The following SLC15A4 variants were observed in gnomAD, a reference collection of about 807,000 sequenced individuals.
SLC15A4 encodes the protein solute carrier family 15 member 4.
In SLC15A4, 26 loss-of-function variants were observed where a neutral mutation model predicts 46.1. The observed-to-expected ratio is 0.56, with a 90% CI of 0.41 to 0.78. The LOEUF is 0.78. Ranked by LOEUF, SLC15A4 falls within the 30% of genes least tolerant of loss-of-function variation. The pLI is 0.00. For missense variants in SLC15A4, 751 were observed against 755.7 expected (o/e 0.99, Z 0.07); for synonymous variants, 370 against 333.4 (o/e 1.11, Z -1.20).
chr12:128,807,902 T>C (rs959926199), intron 5 of SLC15A4, among the ~76,000 whole-genome samples: 2 of 152,238 alleles, frequency 1.3e-5, no homozygotes, highest in African/African-American at 4.8e-5. Context: ...AAGTACTATA[T>C]CAATACATTC....
At chr12:128,795,356 G>A (rs748476949) in intron 7 of SLC15A4, among the ~76,000 whole-genome samples, 11 of 152,070 alleles carry the variant, frequency 7.2e-5, no homozygotes, top group Non-Finnish European at 1.5e-4. Context: ...ATACCCAACC[G>A]AGTCCCGGGC....
At chr12:128,818,241 G>A (rs910207720) in intron 1 of SLC15A4, among the ~76,000 whole-genome samples, 26 of 151,736 alleles carry the variant, frequency 1.7e-4, no homozygotes, top group Admixed American at 5.2e-4. Flanking sequence ...ACGAACATAC[G>A]TCTCCCTTGG....
Position 128,799,140 on chromosome 12 carries a change from C to G in SLC15A4, c.1573+119G>C, listed in dbSNP as rs575115700. ...GCAGTGCTGTGGAAGGAGCGGTGGA[C>G]AGGCAGCTCGGGACAGGCCATCCAC... is the stretch of plus-strand genomic sequence containing the variant. On this transcript the variant is annotated intron_variant, in intron 7 of 7. Transcript: ENST00000266771. 104 of 1,049,486 alleles carry G rather than the reference C, an allele frequency of 9.9e-5. No homozygotes were observed. The African/African-American group carries it at 1.5e-3, about 15-fold the overall frequency. 65.0% of individuals were successfully genotyped at this position (1,049,486 alleles called of 1,614,324 possible). A position where few individuals can be genotyped will look rare whatever the true frequency, so the allele number is the denominator to read the frequency against.
At chr12:128,823,070 T>C (rs2135727925) in intron 1 of SLC15A4, among the ~76,000 whole-genome samples, 1 of 152,032 alleles carries the variant, frequency 6.6e-6, no homozygotes, top group South Asian at 2.1e-4. Flanking sequence ...AGTCCTGGGC[T>C]CAAGAGATCC....
chr12:128,822,570 G>C (rs1162131193), intron 1 of SLC15A4, among the ~76,000 whole-genome samples: 2 of 152,132 alleles, frequency 1.3e-5, no homozygotes, highest in African/African-American at 2.4e-5. Context: ...TTTATTTGGA[G>C]ACAGAGTCTC....
chr12:128,809,834 G>A, intron 3 of SLC15A4, 109 bp downstream of exon 3: 2 of 1,142,184 alleles, frequency 1.8e-6, no homozygotes, highest in Non-Finnish European at 2.4e-6. Context: ...GTAGACTCAT[G>A]GGAAAAAAAA....
chr12:128,823,701 G>A lies in SLC15A4; in HGVS notation c.243C>T (p.Phe81=), dbSNP rs1955888967. Reference sequence around the variant, plus strand: ...GCGAGCCCAGGTAGGTGAGGCCCATGAAGAGCAGCAGCGCCTCGCTGGCCT... The same window carrying A: ...GCGAGCCCAGGTAGGTGAGGCCCATAAAGAGCAGCAGCGCCTCGCTGGCCT... ...GAQASEALLL[F]MGLTYLGSPF... Residue 81 remains phenylalanine, a synonymous_variant, in exon 1 of 8, where the codon TTC becomes TTT. Transcript: ENST00000266771. The A allele has an allele frequency of 6.5e-7, 1 of 1,527,306 alleles. No individual in the cohort carries two copies. The highest frequency in any genetic ancestry group is 8.7e-7 in the Non-Finnish European group (1 of 1,145,424). The allele number at this position is 1,527,306 out of a possible 1,614,324, so 94.6% of individuals were successfully genotyped here.
At chr12:128,796,537 T>G (rs1421260352) in intron 7 of SLC15A4, among the ~76,000 whole-genome samples, 1 of 151,930 alleles carries the variant, frequency 6.6e-6, no homozygotes, top group African/African-American at 2.4e-5. Context: ...TCATTTCCTG[T>G]GTCTACTGAT....
rs967652202 is a variant in SLC15A4 at position 128,823,552 on chromosome 12, G to T, written c.392C>A (p.Ala131Glu). Reference protein sequence around the residue: ...PLLAAPATRAALCGSARLLNC... With the variant: ...PLLAAPATRAELCGSARLLNC... ...GAGCAGGCGCGCGGAACCGCAGAGC[G>T]CGGCTCGCGTGGCGGGCGCGGCCAG... Residue 131 changes from alanine to glutamate, a missense_variant, in exon 1 of 8, where the codon GCG becomes GAG. Transcript: ENST00000266771. The T allele has an allele frequency of 1.4e-6, 2 of 1,447,120 alleles. No homozygotes were observed. The highest frequency in any genetic ancestry group is 6.0e-5 in the East Asian group (2 of 33,424). The allele number at this position is 1,447,120 out of a possible 1,614,324, so 89.6% of individuals were successfully genotyped here. A position where few individuals can be genotyped will look rare whatever the true frequency, so the allele number is the denominator to read the frequency against.
chr12:128,823,903 A>G lies in SLC15A4; in HGVS notation c.41T>C (p.Leu14Pro). Residue 14 changes from leucine (L) to proline (P), a missense_variant, in exon 1 of 8, where the codon CTG becomes CCG. By Grantham distance (98) the Leu-to-Pro change is moderately conservative (BLOSUM62 -3). Coordinates refer to ENST00000266771, the MANE Select transcript of SLC15A4 (RefSeq NM_145648.4). ...SGGGAGERAPLLGARRAAAAA... is the reference protein window; with the variant it reads ...SGGGAGERAPPLGARRAAAAA... ...CGCCGCCGCCCGCCGCGCGCCCAGC[A>G]GCGGCGCCCGCTCGCCCGCACCGCC... 1.1e-6 allele frequency: 1 copy of G among 875,526 alleles called. No homozygotes were observed. The highest frequency in any genetic ancestry group is 1.4e-6 in the Non-Finnish European group (1 of 732,250). 54.2% of individuals were successfully genotyped at this position (875,526 alleles called of 1,614,324 possible).
intron 2 of SLC15A4, among the ~76,000 whole-genome samples, chr12:128,811,235 G>C (rs1336826457): frequency 1.3e-5 from 2 of 152,298 alleles, no homozygotes; most frequent in Admixed American, 6.5e-5. Context: ...TTCCCAATAA[G>C]ATTGTGTTTA....
intron 4 of SLC15A4, 60 bp downstream of exon 4, chr12:128,809,336 G>T: frequency 9.5e-7 from 1 of 1,048,086 alleles, no homozygotes; most frequent in South Asian, 1.5e-5. Flanking sequence ...TTGGTAGAAG[G>T]AATCCATTTA....
In SLC15A4 at chr12:128,814,902, C is replaced by G; in HGVS notation, c.715G>C (p.Val239Leu). 6.2e-7 allele frequency: 1 copy of G among 1,614,168 alleles called. No individual in the cohort carries two copies. The highest frequency in any genetic ancestry group is 8.5e-7 in the Non-Finnish European group (1 of 1,180,024). The change falls in exon 2 of 8, where the codon GTC (valine) becomes CTC (leucine). Residue 239 changes from valine (V) to leucine (L), a missense_variant. Physicochemically the swap from Val to Leu is conservative, Grantham distance 32. Coordinates refer to ENST00000266771, the MANE Select transcript of SLC15A4 (RefSeq NM_145648.4). The stretch of plus-strand genomic sequence containing the variant: ...AAAACGCTCTGGCCACAGAGGAAGA[C>G]CACAAAAGCAAGGCCGACGCAGACA... Reference protein sequence around the residue: ...PTVCVGLAFVVFLCGQSVFIT... With the variant: ...PTVCVGLAFVLFLCGQSVFIT...
Position 128,814,292 on chromosome 12 carries a change from G to A in SLC15A4, c.842+483C>T, listed in dbSNP as rs1367339190. On this transcript the variant is annotated intron_variant, in intron 2 of 7. Transcript: ENST00000266771. ...TGACCGCCGTATGATGGACCTGACC[G>A]CTGTATGATGGAGCCCATGCTGACC... 3.6e-5 allele frequency: 8 copies of A among 224,178 alleles called. No homozygotes were observed. The Admixed American group carries it at 4.0e-4, about 11-fold the overall frequency. The allele number at this position is 224,178 out of a possible 1,614,324, so 13.9% of individuals were successfully genotyped here. A position where few individuals can be genotyped will look rare whatever the true frequency, so the allele number is the denominator to read the frequency against.
intron 1 of SLC15A4, among the ~76,000 whole-genome samples, chr12:128,821,871 C>A (rs1179095311): frequency 7.6e-6 from 1 of 132,078 alleles, no homozygotes; most frequent in South Asian, 2.6e-4. Context: ...GGCAACAGAG[C>A]GAGACTCCGC....
chr12:128,809,488 C>A lies in SLC15A4; in HGVS notation c.1012-15G>T, dbSNP rs1955627848. ...GTTGTCTGCATCTAGGTATAAAAAA[C>A]AGTATCATTATATGTGGACCAACTG... On this transcript the variant is annotated splice_polypyrimidine_tract_variant and intron_variant, in intron 3 of 7. Coordinates refer to ENST00000266771, the MANE Select transcript of SLC15A4 (RefSeq NM_145648.4). 1.3e-6 allele frequency: 2 copies of A among 1,562,786 alleles called. No individual in the cohort carries two copies.
chr12:128,817,654 G>C (rs1955776749), intron 1 of SLC15A4, among the ~76,000 whole-genome samples: 1 of 152,124 alleles, frequency 6.6e-6, no homozygotes, highest in African/African-American at 2.4e-5. Context: ...GATTACTCTG[G>C]GAAAATCCTA....
intron 5 of SLC15A4, 151 bp downstream of exon 5, chr12:128,808,637 G>T: frequency 1.4e-6 from 1 of 700,136 alleles, no homozygotes; most frequent in Non-Finnish European, 2.4e-6. Context: ...TAAAATAAAG[G>T]ATTAGTGCTG....
At chr12:128,799,758 T>C (rs1955492967) in intron 6 of SLC15A4, among the ~76,000 whole-genome samples, 1 of 152,226 alleles carries the variant, frequency 6.6e-6, no homozygotes, top group Non-Finnish European at 1.5e-5. Flanking sequence ...TTTCCTATAT[T>C]GTCAAGGAAT....
Sources: allele counts gnomAD v4.1 joint callset (sites outside exome capture counted in the v4.1 genomes callset), GRCh38; gene constraint gnomAD v4.1.1; transcripts MANE v1.5; gene names NCBI Gene and HGNC (gene_info 2026-07-23, HGNC 2026-07-21).